Variants in ZNF490 observed in about 807,000 individuals in gnomAD.
ZNF490 encodes the protein zinc finger protein 490.
A neutral mutation model predicts 17.7 loss-of-function variants in ZNF490; 11 were observed. The observed-to-expected ratio is 0.62, with a 90% confidence interval of 0.39 to 1.03. ZNF490 has a LOEUF of 1.03. Ranked by LOEUF, ZNF490 falls within the 50% of genes least tolerant of loss-of-function variation. ZNF490 has a pLI of 0.00. For synonymous variants in ZNF490, 222 were observed against 216.1 expected, an observed-to-expected ratio of 1.03 and a Z score of -0.24; for missense variants, 542 against 643.4, an observed-to-expected ratio of 0.84 and a Z score of 1.71.
intron 2 of ZNF490, among the ~76,000 whole-genome samples, chr19:12,604,064 C>T (rs968565494): frequency 6.6e-6 from 1 of 152,168 alleles, no homozygotes; most frequent in Non-Finnish European, 1.5e-5. Context: ...TTGAGTTGAT[C>T]ACCCATAGTG....
Position 12,577,416 on chromosome 19 carries a change from T to C in ZNF490, c.*3069A>G. 2 of 984,424 alleles carry C rather than the reference T, an allele frequency of 2.0e-6. No individual in the cohort carries two copies. The highest frequency in any genetic ancestry group is 2.4e-6 in the Non-Finnish European group (2 of 829,046). 61.0% of individuals were successfully genotyped at this position (984,424 alleles called of 1,614,324 possible). A position where few individuals can be genotyped will look rare whatever the true frequency, so the allele number is the denominator to read the frequency against. On this transcript the variant is annotated 3_prime_UTR_variant, in exon 5 of 5. Transcript: ENST00000311437. ...CTGACCTCCCACAGTACAATAATCATCTCTCTACAAAAGCACAACATGGCA... is the reference window on the plus strand; with the variant it reads ...CTGACCTCCCACAGTACAATAATCACCTCTCTACAAAAGCACAACATGGCA...
chr19:12,582,938 A>G (rs2022758678), intron 3 of ZNF490, 28 bp from the exon 4 acceptor site: 1 of 1,563,956 alleles, frequency 6.4e-7, no homozygotes, highest in Non-Finnish European at 8.8e-7. Context: ...AGAACTCACA[A>G]TAAATTATTA....
intron 3 of ZNF490, 105 bp downstream of exon 3, chr19:12,583,325 C>T (rs1229989720): frequency 7.5e-7 from 1 of 1,342,028 alleles, no homozygotes; most frequent in Non-Finnish European, 1.0e-6. Context: ...AGGCGCGAGC[C>T]ACCGTGCCTG....
chr19:12,592,053 A>G (rs2145151391), intron 2 of ZNF490, among the ~76,000 whole-genome samples: 1 of 152,278 alleles, frequency 6.6e-6, no homozygotes, highest in African/African-American at 2.4e-5. Context: ...GAAATCAGGT[A>G]TCAGCTGGGC....
chr19:12,589,492 A>G (rs932576039), intron 2 of ZNF490, among the ~76,000 whole-genome samples: 3 of 152,148 alleles, frequency 2.0e-5, no homozygotes, highest in Admixed American at 1.3e-4. Context: ...AAAGGGGGAA[A>G]ATGAAGAAGC....
At chr19:12,602,079 TACACACACACACAC>T (rs61568541) in intron 2 of ZNF490, among the ~76,000 whole-genome samples, 145 of 68,652 alleles carry the variant, frequency 2.1e-3, no homozygotes, top group Admixed American at 3.9e-3. Flanking sequence ...GTTCACTATA[TACACACACACACAC>T]ACACACACAC....
rs1160008275 is a variant in ZNF490 at position 12,584,398 on chromosome 19, C to T, written c.163-842G>A. Among the ~76,000 whole-genome samples the T allele has an allele frequency of 4.3e-5, 4 of 92,202 alleles. 1 individual carries two copies. The highest frequency in any genetic ancestry group is 1.3e-4 in the African/African-American group (4 of 30,690). 60.5% of individuals were successfully genotyped at this position (92,202 alleles called of 152,430 possible). A position where few individuals can be genotyped will look rare whatever the true frequency, so the allele number is the denominator to read the frequency against. On this transcript the variant is annotated intron_variant, in intron 2 of 4. Transcript: ENST00000311437. ...GTCTTGATCTCCTGACCTCGTGAAT[C>T]GCCCCCCTCGGCCTCCCAAAGTGCT...
intron 2 of ZNF490, among the ~76,000 whole-genome samples, chr19:12,601,339 T>G (rs148327142): frequency 6.6e-6 from 1 of 151,258 alleles, no homozygotes; most frequent in Non-Finnish European, 1.5e-5. Flanking sequence ...AATGAGCCGA[T>G]ATTGCGCCAT....
At position 12,580,504 on chromosome 19, in the gene ZNF490, T is replaced by C. The variant is rs1211854568; in HGVS notation, c.1571A>G (p.His524Arg). 6.2e-7 allele frequency: 1 copy of C among 1,602,612 alleles called. No homozygotes were observed. The highest frequency in any genetic ancestry group is 8.5e-7 in the Non-Finnish European group (1 of 1,174,396). Residue 524 changes from histidine to arginine, a missense_variant, in exon 5 of 5, where the codon CAT (histidine) becomes CGT (arginine). Physicochemically the swap from His to Arg is conservative, Grantham distance 29. Coordinates refer to ENST00000311437, the MANE Select transcript of ZNF490 (RefSeq NM_020714.3). ...ACTTTCTTAGGGCTTCTGTCTACTA[T>C]GAGTCCTTTCGTGCACGTGCAAAGA... ...SKSLHVHERT[H>R]SRQKP
rs1008321501 is a variant in ZNF490, at chr19:12,610,811, C to T, written c.-131G>A. 5 of 962,996 alleles carry T rather than the reference C, an allele frequency of 5.2e-6. No homozygotes were observed. In the African/African-American group the frequency reaches 8.0e-5, roughly 15 times the overall value. 59.7% of individuals were successfully genotyped at this position (962,996 alleles called of 1,614,324 possible). A position where few individuals can be genotyped will look rare whatever the true frequency, so the allele number is the denominator to read the frequency against. On this transcript the variant is annotated 5_prime_UTR_variant, in exon 1 of 5. Coordinates refer to ENST00000311437, the MANE Select transcript of ZNF490 (RefSeq NM_020714.3). ...GTCCCACCGGCGGAAGCGAGATCTG[C>T]CTAGCTACTAGACCTGCTGCCTAGC...
chr19:12,593,703 T>C (rs1205018179), intron 2 of ZNF490, among the ~76,000 whole-genome samples: 1 of 152,126 alleles, frequency 6.6e-6, no homozygotes, highest in Non-Finnish European at 1.5e-5. Context: ...TTAGGTCCAT[T>C]TCAATTAAGG....
In ZNF490 at chr19:12,578,076, C is replaced by T. The variant is rs751005007; in HGVS notation, c.*2409G>A. The T allele has an allele frequency of 3.3e-4, 326 of 985,324 alleles. 2 individuals carry two copies. Among genetic ancestry groups the T allele is most frequent in the Non-Finnish European group, 3.6e-4 (302 of 829,984 alleles). The allele number at this position is 985,324 out of a possible 1,614,324, so 61.0% of individuals were successfully genotyped here. A position where few individuals can be genotyped will look rare whatever the true frequency, so the allele number is the denominator to read the frequency against. ...CCTCCCATACACAACAGAGCTGGAG[C>T]GCTGCAGGGTGGGTCCTTTTCCAAG... On this transcript the variant is annotated 3_prime_UTR_variant, in exon 5 of 5. Transcript: ENST00000311437.
chr19:12,594,085 G>T (rs11882194), intron 2 of ZNF490, among the ~76,000 whole-genome samples: 5,183 of 152,182 alleles, frequency 0.034, 314 homozygotes, highest in African/African-American at 0.12. Flanking sequence ...ATAGTGTGGG[G>T]CCAAGGGCTG....
chr19:12,604,086 T>C (rs2023038638), intron 2 of ZNF490, among the ~76,000 whole-genome samples: 1 of 152,204 alleles, frequency 6.6e-6, no homozygotes, highest in South Asian at 2.1e-4. Context: ...ATGATGTGAT[T>C]AATCATGTCA....
chr19:12,578,825 C>T lies in ZNF490; in HGVS notation c.*1660G>A. The T allele has an allele frequency of 1.0e-6, 1 of 985,452 alleles. No individual in the cohort carries two copies. The highest frequency in any genetic ancestry group is 1.2e-6 in the Non-Finnish European group (1 of 829,982). 61.0% of individuals were successfully genotyped at this position (985,452 alleles called of 1,614,324 possible). A position where few individuals can be genotyped will look rare whatever the true frequency, so the allele number is the denominator to read the frequency against. On this transcript the variant is annotated 3_prime_UTR_variant, in exon 5 of 5. Transcript: ENST00000311437. Reference sequence around the variant, plus strand: ...ATGCCACAAAAGGCCTGCTGGGGCCCAAGTCCTTCTTCCCCATTCCTTTAA... The same window carrying T: ...ATGCCACAAAAGGCCTGCTGGGGCCTAAGTCCTTCTTCCCCATTCCTTTAA...
chr19:12,582,671 G>A (rs1383495028), intron 4 of ZNF490, among the ~76,000 whole-genome samples, 179 bp downstream of exon 4: 1 of 152,126 alleles, frequency 6.6e-6, no homozygotes, highest in African/African-American at 2.4e-5. Flanking sequence ...TGGGATTACA[G>A]ACATGAGCCA....
Position 12,578,658 on chromosome 19 carries a change from T to A in ZNF490, c.*1827A>T, listed in dbSNP as rs1448616787. The A allele has an allele frequency of 1.4e-5, 14 of 985,316 alleles. No homozygotes were observed. The highest frequency in any genetic ancestry group is 1.7e-5 in the African/African-American group (1 of 57,248). The allele number at this position is 985,316 out of a possible 1,614,324, so 61.0% of individuals were successfully genotyped here. A position where few individuals can be genotyped will look rare whatever the true frequency, so the allele number is the denominator to read the frequency against. ...AAGATGCGAACCTTTGTCTTAGAAG[T>A]ACAGCATTCCCACAGTCTGACCCGA... On this transcript the variant is annotated 3_prime_UTR_variant, in exon 5 of 5. Transcript: ENST00000311437.
intron 2 of ZNF490, among the ~76,000 whole-genome samples, chr19:12,603,819 A>G (rs2023035573): frequency 6.6e-6 from 1 of 150,942 alleles, no homozygotes; most frequent in Non-Finnish European, 1.5e-5. Context: ...TTTTGTATTC[A>G]GTTCTTAAAA....
rs547330432 is a variant in ZNF490 at position 12,576,302 on chromosome 19, G to A, written c.*4183C>T. Among the ~76,000 whole-genome samples the A allele has an allele frequency of 3.9e-5, 6 of 151,918 alleles. No individual in the cohort carries two copies. Among genetic ancestry groups the A allele is most frequent in the Admixed American group, 2.6e-4 (4 of 15,228 alleles). On this transcript the variant is annotated 3_prime_UTR_variant, in exon 5 of 5. Coordinates refer to ENST00000311437, the MANE Select transcript of ZNF490 (RefSeq NM_020714.3). ...GCAGGCAGATCACAAGGTCAGGAGG[G>A]CGAGACCATCCTGGCCAACATGGTG...
Sources: allele counts gnomAD v4.1 joint callset (sites outside exome capture counted in the v4.1 genomes callset), GRCh38; gene constraint gnomAD v4.1.1; transcripts MANE v1.5; gene names NCBI Gene and HGNC (gene_info 2026-07-23, HGNC 2026-07-21).